Variants in MECOM observed in about 807,000 individuals in gnomAD.
MECOM encodes MDS1 and EVI1 complex locus.
A neutral mutation model predicts 116.3 loss-of-function variants in MECOM; 13 were observed. The ratio of observed to expected loss-of-function variants is 0.11; its 90% CI spans 0.07 to 0.18. The LOEUF is 0.18. Among genes scored for constraint, MECOM ranks in the 10% least tolerant of loss-of-function variants. The probability of loss-of-function intolerance (pLI) is 1.00; values close to 1 mark genes in which losing one functional copy is unlikely to be tolerated. For missense variants in MECOM, 1,299 were observed against 1,509.0 expected (o/e 0.86, Z 2.31); for synonymous variants, 528 against 535.2 (o/e 0.99, Z 0.19).
intron 1 of MECOM, among the ~76,000 whole-genome samples, chr3:169,582,677 G>T (rs938432282): frequency 2.6e-5 from 4 of 152,086 alleles, no homozygotes; most frequent in African/African-American, 9.7e-5. Flanking sequence ...AGTTCCTGAT[G>T]TTTCATCCTT....
Position 169,325,316 on chromosome 3 carries a change from G to A in MECOM, c.375+55871C>T, listed in dbSNP as rs901488025. On this transcript the variant is annotated intron_variant, in intron 2 of 16. Transcript: ENST00000651503. ...CTATTCTGCTAGCCAAATTCCCGAT[G>A]AATGTTTGCAAGTGTTTCTATCTGT... is the stretch of plus-strand genomic sequence containing the variant. Among the ~76,000 whole-genome samples, 10 of 152,284 alleles carry A rather than the reference G, an allele frequency of 6.6e-5. 1 individual carries two copies. The highest frequency in any genetic ancestry group is 6.8e-3 in the Middle Eastern group (2 of 294).
intron 1 of MECOM, among the ~76,000 whole-genome samples, chr3:169,639,534 C>T (rs938599421): frequency 6.6e-6 from 1 of 152,130 alleles, no homozygotes; most frequent in African/African-American, 2.4e-5. Flanking sequence ...TCAAACTGTG[C>T]CTGGGCATGT....
chr3:169,310,757 C>T (rs746259387), intron 2 of MECOM, among the ~76,000 whole-genome samples: 3 of 152,206 alleles, frequency 2.0e-5, no homozygotes, highest in Non-Finnish European at 4.4e-5. Context: ...ATGCGATGAC[C>T]TGTTCTCCTT....
At position 169,109,423 on chromosome 3, in the gene MECOM, T is replaced by TC. The variant is rs201775876; in HGVS notation, c.2578-1472_2578-1471insG. On this transcript the variant is annotated intron_variant, in intron 9 of 16. Coordinates refer to ENST00000651503, the MANE Select transcript of MECOM (RefSeq NM_004991.4). ...GATGTATGCATTCATGTATCTTTTT[T>TC]TTTTTTTTGAGTTGGACTTTCACTC... Among the ~76,000 whole-genome samples, 808 of 152,132 alleles carry TC rather than the reference T, an allele frequency of 5.3e-3. 7 individuals are homozygous for TC. The highest frequency in any genetic ancestry group is 0.015 in the African/African-American group (606 of 41,546).
chr3:169,446,239 C>T (rs758300160), intron 1 of MECOM, among the ~76,000 whole-genome samples: 1 of 152,132 alleles, frequency 6.6e-6, no homozygotes, highest in Non-Finnish European at 1.5e-5. Context: ...AATTGTATCT[C>T]TTAGAATTCC....
intron 2 of MECOM, among the ~76,000 whole-genome samples, chr3:169,202,267 G>A (rs971970315): frequency 3.3e-5 from 5 of 152,086 alleles, no homozygotes; most frequent in African/African-American, 1.2e-4. Context: ...TAGAGTCAGA[G>A]TATTTTTCAT....
At chr3:169,500,591 A>G (rs950266516) in intron 1 of MECOM, among the ~76,000 whole-genome samples, 1 of 151,988 alleles carries the variant, frequency 6.6e-6, no homozygotes, top group Non-Finnish European at 1.5e-5. Context: ...ACAAAAAAAC[A>G]CATATCATTT....
At chr3:169,304,917 C>CTGTG (rs1205211584) in intron 2 of MECOM, among the ~76,000 whole-genome samples, 1 of 152,214 alleles carries the variant, frequency 6.6e-6, no homozygotes. Context: ...GTGCAAGGCA[C>CTGTG]TGTGCTAGGG....
At chr3:169,096,127 A>G (rs1721368808) in intron 12 of MECOM, among the ~76,000 whole-genome samples, 1 of 152,130 alleles carries the variant, frequency 6.6e-6, no homozygotes, top group Non-Finnish European at 1.5e-5. Flanking sequence ...GCTCTCATTA[A>G]TGAAGAAGAA....
chr3:169,456,882 G>T (rs116870065), intron 1 of MECOM, among the ~76,000 whole-genome samples: 1 of 152,104 alleles, frequency 6.6e-6, no homozygotes, highest in Non-Finnish European at 1.5e-5. Flanking sequence ...ACATGTTCTC[G>T]CCGGGTGTGC....
At chr3:169,624,074 T>A (rs927543884) in intron 1 of MECOM, 2 of 152,188 alleles carry the variant, frequency 1.3e-5, no homozygotes, top group Non-Finnish European at 2.9e-5. Flanking sequence ...CCTTTAACGG[T>A]CATCAAATCA....
At chr3:169,411,304 A>G (rs139482141) in intron 1 of MECOM, among the ~76,000 whole-genome samples, 1 of 152,350 alleles carries the variant, frequency 6.6e-6, no homozygotes, top group East Asian at 1.9e-4. Flanking sequence ...GAAAGGAAAG[A>G]TATTGCTCTC....
At chr3:169,244,240 C>A (rs1755265932) in intron 2 of MECOM, among the ~76,000 whole-genome samples, 1 of 152,278 alleles carries the variant, frequency 6.6e-6, no homozygotes, top group African/African-American at 2.4e-5. Flanking sequence ...AACAAGCAAC[C>A]AACATTTCAC....
intron 2 of MECOM, among the ~76,000 whole-genome samples, chr3:169,351,261 CAT>C (rs1474364228): frequency 6.6e-6 from 1 of 151,768 alleles, no homozygotes; most frequent in East Asian, 1.9e-4. Flanking sequence ...CAAATCTTAA[CAT>C]ATTTTTGTCA....
chr3:169,243,292 T>A (rs1755121065), intron 2 of MECOM, among the ~76,000 whole-genome samples: 1 of 152,198 alleles, frequency 6.6e-6, no homozygotes, highest in South Asian at 2.1e-4. Flanking sequence ...AGTGTTCTAA[T>A]AGCTTTCTCA....
chr3:169,537,447 G>A (rs563975412), intron 1 of MECOM, among the ~76,000 whole-genome samples: 86 of 152,124 alleles, frequency 5.7e-4, no homozygotes, highest in African/African-American at 2.0e-3. Context: ...ATTATACACC[G>A]GCCCAGATAA....
intron 1 of MECOM, among the ~76,000 whole-genome samples, chr3:169,543,276 T>TA (rs1022020953): frequency 2.6e-5 from 4 of 152,120 alleles, no homozygotes; most frequent in Middle Eastern, 3.4e-3. Flanking sequence ...TGGCTTCTTA[T>TA]AAAAAAAAGT....
intron 1 of MECOM, among the ~76,000 whole-genome samples, chr3:169,388,155 G>A (rs772056562): frequency 6.6e-6 from 1 of 152,078 alleles, no homozygotes; most frequent in Non-Finnish European, 1.5e-5. Flanking sequence ...GGTAGGACGT[G>A]AGCACATGAG....
chr3:169,549,417 A>G (rs79981482), intron 1 of MECOM, among the ~76,000 whole-genome samples: 1 of 151,502 alleles, frequency 6.6e-6, no homozygotes, highest in East Asian at 1.9e-4. Context: ...AAAAAAAAAA[A>G]AGCTTTCTGG....
Sources: allele counts gnomAD v4.1 joint callset (sites outside exome capture counted in the v4.1 genomes callset), GRCh38; gene constraint gnomAD v4.1.1; transcripts MANE v1.5; gene names NCBI Gene and HGNC (gene_info 2026-07-23, HGNC 2026-07-21).